The following SERPINI2 variants were observed in gnomAD, a reference collection of about 807,000 sequenced individuals.
SERPINI2 encodes the protein serpin family I member 2, also known as serpin I2.
Under a neutral mutation model 47.3 loss-of-function variants are expected in SERPINI2, and 48 were observed. That is an observed-to-expected ratio of 1.02 (90% confidence interval 0.81 to 1.29). The LOEUF is 1.29. Ranked by LOEUF, SERPINI2 falls within the 50% of genes most tolerant of loss-of-function variation. The pLI is 0.00. For synonymous variants in SERPINI2, 135 were observed against 149.3 expected (o/e 0.90, Z 0.70); for missense variants, 448 against 456.9 (o/e 0.98, Z 0.18).
At chr3:167,466,096 C>T (rs150411592) in intron 3 of SERPINI2, among the ~76,000 whole-genome samples, 33 of 152,218 alleles carry the variant, frequency 2.2e-4, no homozygotes, top group Non-Finnish European at 4.4e-4. Context: ...CAGCTGTGTC[C>T]ACTGACCATT....
chr3:167,470,431 T>G lies in SERPINI2; in HGVS notation c.247+1157A>C, dbSNP rs7617914. 4.6e-3 allele frequency among the ~76,000 whole-genome samples: 698 copies of G among 151,932 alleles called. 6 individuals carry two copies. Among genetic ancestry groups the G allele is most frequent in the Middle Eastern group, 0.024 (7 of 294 alleles). Reference sequence around the variant, plus strand: ...ACACTGAAATTATAGTTGTAGCAACTAAATTCCCAAATCAAAAATCTGTAT... The same window carrying G: ...ACACTGAAATTATAGTTGTAGCAACGAAATTCCCAAATCAAAAATCTGTAT... On this transcript the variant is annotated intron_variant, in intron 2 of 8. Coordinates refer to ENST00000264677, the Ensembl canonical transcript of SERPINI2.
chr3:167,474,482 A>G (rs983159371), upstream of SERPINI2, among the ~76,000 whole-genome samples: 11 of 151,762 alleles, frequency 7.2e-5, no homozygotes, highest in Non-Finnish European at 1.3e-4. Context: ...TCACTGCTGC[A>G]TTGACAGAGT....
At chr3:167,475,028 G>A (rs1750447874), upstream of SERPINI2, among the ~76,000 whole-genome samples, 1 of 151,622 alleles carries the variant, frequency 6.6e-6, no homozygotes, top group African/African-American at 2.4e-5. Flanking sequence ...ATCTTTCCAT[G>A]TCCTAACATG....
upstream of SERPINI2, among the ~76,000 whole-genome samples, chr3:167,475,040 C>T (rs1431447831): frequency 6.6e-6 from 1 of 151,606 alleles, no homozygotes; most frequent in Admixed American, 6.6e-5. Context: ...CCTAACATGG[C>T]TATAACTTAA....
At chr3:167,474,035 T>A in exon 1 of SERPINI2, 3 of 1,083,926 alleles carry the variant, frequency 2.8e-6, no homozygotes, top group Non-Finnish European at 3.4e-6. Flanking sequence ...CACTGGAATG[T>A]TACAACTAAA....
Position 167,468,085 on chromosome 3 carries a change from C to A in SERPINI2, c.248-800G>T, listed in dbSNP as rs150514295. Among the ~76,000 whole-genome samples, 174 of 152,218 alleles carry A rather than the reference C, an allele frequency of 1.1e-3. 1 individual carries two copies. Among genetic ancestry groups the A allele is most frequent in the Admixed American group, 1.7e-3 (26 of 15,274 alleles). ...GCTTCCTGTTCATTGCAAAAGTGTA[C>A]CAACAGTTTTCATTTCCTTCTGGCT... On this transcript the variant is annotated intron_variant, in intron 2 of 8. Transcript: ENST00000264677.
At chr3:167,464,483 ACCAATGGC>A (rs1375598213) in intron 5 of SERPINI2, among the ~76,000 whole-genome samples, 1 of 152,186 alleles carries the variant, frequency 6.6e-6, no homozygotes, top group Non-Finnish European at 1.5e-5. Flanking sequence ...GGTTTAAGAG[ACCAATGGC>A]CAGAAACAGG....
At chr3:167,449,467 A>G in intron 6 of SERPINI2, 65 bp from the exon 7 acceptor site, 1 of 800,926 alleles carries the variant, frequency 1.2e-6, no homozygotes, top group Non-Finnish European at 2.0e-6. Flanking sequence ...TACCTATTAG[A>G]TCTCAATTAA....
chr3:167,476,194 T>A (rs763093526), upstream of SERPINI2, among the ~76,000 whole-genome samples: 13 of 151,840 alleles, frequency 8.6e-5, no homozygotes, highest in Non-Finnish European at 1.9e-4. Flanking sequence ...AGTAATTGAA[T>A]CTGAATGTTA....
chr3:167,446,510 ATACT>A (rs1749483796), intron 7 of SERPINI2, 29 bp from the exon 8 acceptor site: 6 of 1,353,870 alleles, frequency 4.4e-6, no homozygotes, highest in Non-Finnish European at 6.2e-6. Context: ...AGTTATTTAG[ATACT>A]TGCATTAAAA....
At chr3:167,456,569 C>T (rs1339435865) in intron 5 of SERPINI2, among the ~76,000 whole-genome samples, 1 of 152,176 alleles carries the variant, frequency 6.6e-6, no homozygotes, top group Non-Finnish European at 1.5e-5. Flanking sequence ...ACTGCTCACC[C>T]TATCACTGAC....
chr3:167,476,257 GATCCTGCTACC>G (rs1195118841), upstream of SERPINI2, among the ~76,000 whole-genome samples: 2 of 151,880 alleles, frequency 1.3e-5, no homozygotes, highest in Non-Finnish European at 1.5e-5. Context: ...TGACAGGTGA[GATCCTGCTACC>G]TGCCTAGAAA....
intron 5 of SERPINI2, among the ~76,000 whole-genome samples, chr3:167,455,170 C>T (rs1255359814): frequency 2.0e-5 from 3 of 152,258 alleles, no homozygotes; most frequent in African/African-American, 7.2e-5. Context: ...GTCAAAAGAA[C>T]AGCAGGCAAA....
At chr3:167,442,142 C>T (rs758090066) in exon 9 of SERPINI2, 2 of 1,600,350 alleles carry the variant, frequency 1.2e-6, no homozygotes, top group East Asian at 2.3e-5. Flanking sequence ...CTTTTATCTC[C>T]TGGGTGTCAG....
chr3:167,464,554 A>G (rs1447525814), intron 5 of SERPINI2, among the ~76,000 whole-genome samples: 1 of 150,228 alleles, frequency 6.7e-6, no homozygotes. Flanking sequence ...TTAGAAATAA[A>G]ACGACAGTAT....
intron 1 of SERPINI2, among the ~76,000 whole-genome samples, chr3:167,472,909 T>G (rs1011504962): frequency 1.3e-5 from 2 of 151,748 alleles, no homozygotes; most frequent in Non-Finnish European, 3.0e-5. Flanking sequence ...CCTTAAAAAC[T>G]TATCCATCAG....
At chr3:167,465,219 T>G in exon 5 of SERPINI2, 1 of 1,609,252 alleles carries the variant, frequency 6.2e-7, no homozygotes, top group Non-Finnish European at 8.5e-7. Context: ...GGGAGGCTTA[T>G]TTCTACTTCC....
intron 5 of SERPINI2, among the ~76,000 whole-genome samples, chr3:167,455,602 A>AAAAAGAAAAG (rs1553855172): frequency 2.0e-5 from 3 of 150,872 alleles, no homozygotes; most frequent in Admixed American, 2.0e-4. Flanking sequence ...TCAAAAAAAA[A>AAAAAGAAAAG]AAAAGAAAAG....
intron 7 of SERPINI2, among the ~76,000 whole-genome samples, chr3:167,447,375 G>C (rs533370432): frequency 1.4e-4 from 22 of 152,262 alleles, no homozygotes; most frequent in African/African-American, 4.1e-4. Flanking sequence ...AGCAAGATCA[G>C]TTTTACTCCC....
Sources: gnomAD v4.1 joint callset for allele counts (sites outside exome capture counted in the v4.1 genomes callset) on GRCh38, gnomAD v4.1.1 for gene constraint, MANE v1.5 for transcripts, NCBI Gene and HGNC (gene_info 2026-07-23, HGNC 2026-07-21) for gene names.